SPPL3: variants seen among roughly 807,000 people sequenced by gnomAD.
The protein encoded by SPPL3 is signal peptide peptidase-like 3.
Under a neutral mutation model 42.4 loss-of-function variants are expected in SPPL3, and 5 were observed. The ratio of observed to expected loss-of-function variants is 0.12; its 90% CI spans 0.06 to 0.25. SPPL3 has a LOEUF of 0.25. Among genes scored for constraint, SPPL3 ranks in the 10% least tolerant of loss-of-function variants. The pLI is 1.00. For synonymous variants in SPPL3, 195 were observed against 181.8 expected (o/e 1.07, Z -0.58); for missense variants, 235 against 489.0 (o/e 0.48, Z 4.90).
intron 1 of SPPL3, among the ~76,000 whole-genome samples, chr12:120,813,632 A>G (rs924659813): frequency 2.6e-5 from 4 of 151,836 alleles, no homozygotes; most frequent in African/African-American, 7.3e-5. Flanking sequence ...GTGATCCTTA[A>G]TTATTACAGA....
chr12:120,831,084 T>C (rs189058616), intron 1 of SPPL3, among the ~76,000 whole-genome samples: 4 of 152,184 alleles, frequency 2.6e-5, no homozygotes, highest in Admixed American at 2.0e-4. Flanking sequence ...TCTCTCTCTC[T>C]CTCTCCTTGA....
rs1381427558 is a variant in SPPL3 at position 120,904,064 on chromosome 12, G to A, written c.-197C>T. 3.0e-4 allele frequency: 103 copies of A among 347,202 alleles called. 2 individuals are homozygous for A. The South Asian group carries it at 0.012, about 40-fold the overall frequency. 21.5% of individuals were successfully genotyped at this position (347,202 alleles called of 1,614,324 possible). On this transcript the variant is annotated 5_prime_UTR_variant, in exon 1 of 11. Coordinates refer to ENST00000353487, the MANE Select transcript of SPPL3 (RefSeq NM_139015.5). Reference sequence around the variant, plus strand: ...GCTCCGAAGCGGCCCCGCTCCCTGGGCCCCGGGGCGGGGCGGGCTCCGCTC... The same window carrying A: ...GCTCCGAAGCGGCCCCGCTCCCTGGACCCCGGGGCGGGGCGGGCTCCGCTC...
intron 2 of SPPL3, among the ~76,000 whole-genome samples, chr12:120,797,758 C>A (rs1450812799): frequency 6.6e-6 from 1 of 152,102 alleles, no homozygotes; most frequent in African/African-American, 2.4e-5. Context: ...GGTCATAATC[C>A]TTCCTGGAAG....
chr12:120,816,885 T>C (rs1440441530), intron 1 of SPPL3, among the ~76,000 whole-genome samples: 1 of 152,184 alleles, frequency 6.6e-6, no homozygotes, highest in African/African-American at 2.4e-5. Flanking sequence ...AATTATACAG[T>C]AATTAGCTAT....
chr12:120,874,313 C>T (rs1007235095), intron 1 of SPPL3, among the ~76,000 whole-genome samples: 1 of 151,394 alleles, frequency 6.6e-6, no homozygotes, highest in Non-Finnish European at 1.5e-5. Flanking sequence ...ATTAGCTGGG[C>T]GTGGAGATGG....
intron 2 of SPPL3, among the ~76,000 whole-genome samples, chr12:120,797,500 G>GT (rs577120689): frequency 2.4e-4 from 36 of 151,998 alleles, no homozygotes; most frequent in Admixed American, 7.2e-4. Context: ...GGGTTTACAT[G>GT]TTTTTTTTAT....
At chr12:120,873,707 A>C (rs951868357) in intron 1 of SPPL3, among the ~76,000 whole-genome samples, 1 of 152,028 alleles carries the variant, frequency 6.6e-6, no homozygotes, top group African/African-American at 2.4e-5. Context: ...CCCCGTCTCT[A>C]ATAAAAATAC....
chr12:120,845,480 G>T, intron 1 of SPPL3: 1 of 422,924 alleles, frequency 2.4e-6, no homozygotes. Flanking sequence ...TAATATTCTT[G>T]TACTCCATGG....
At chr12:120,784,711 T>C in intron 3 of SPPL3, 118 bp from the exon 4 acceptor site, 2 of 712,644 alleles carry the variant, frequency 2.8e-6, no homozygotes, top group South Asian at 2.2e-5. Flanking sequence ...ACGTAGGACA[T>C]GGATTATCCA....
chr12:120,849,872 T>C (rs764225292), intron 1 of SPPL3, among the ~76,000 whole-genome samples: 4 of 152,112 alleles, frequency 2.6e-5, no homozygotes, highest in Non-Finnish European at 5.9e-5. Context: ...AAGACATAAT[T>C]CTAGCGTGAA....
At chr12:120,804,850 G>T (rs1430487141) in intron 2 of SPPL3, among the ~76,000 whole-genome samples, 1 of 152,092 alleles carries the variant, frequency 6.6e-6, no homozygotes, top group Admixed American at 6.5e-5. Context: ...CAACCCAAAC[G>T]TCTATCAGCC....
intron 1 of SPPL3, among the ~76,000 whole-genome samples, chr12:120,846,709 A>T (rs368537395): frequency 6.7e-5 from 9 of 135,052 alleles, no homozygotes; most frequent in Admixed American, 2.1e-4. Context: ...TTTTTAAAAT[A>T]AAAAAAAATG....
chr12:120,835,729 C>A (rs1235024434), intron 1 of SPPL3: 1 of 152,164 alleles, frequency 6.6e-6, no homozygotes, highest in Non-Finnish European at 1.5e-5. Context: ...TTACAGAATT[C>A]TGGCACTACA....
At chr12:120,859,968 C>A (rs1163332103) in intron 1 of SPPL3, among the ~76,000 whole-genome samples, 1 of 152,142 alleles carries the variant, frequency 6.6e-6, no homozygotes, top group Non-Finnish European at 1.5e-5. Flanking sequence ...TAGCTGGGTG[C>A]AGTGGCTCAT....
intron 1 of SPPL3, among the ~76,000 whole-genome samples, chr12:120,853,845 GC>G: frequency 6.6e-6 from 1 of 152,070 alleles, no homozygotes; most frequent in Admixed American, 6.6e-5. Flanking sequence ...CATTTTCATA[GC>G]AATTCAGAAA....
chr12:120,811,175 T>C (rs2137001786), intron 1 of SPPL3: 1 of 225,490 alleles, frequency 4.4e-6, no homozygotes, highest in Non-Finnish European at 8.5e-6. Flanking sequence ...CCACCCCCAA[T>C]TTAAAAAGTA....
intron 1 of SPPL3, among the ~76,000 whole-genome samples, chr12:120,865,538 T>C (rs1872732284): frequency 6.6e-6 from 1 of 152,234 alleles, no homozygotes; most frequent in Non-Finnish European, 1.5e-5. Context: ...CATGGGTCCT[T>C]ACACACAGTT....
chr12:120,856,734 A>G (rs1338717406), intron 1 of SPPL3, among the ~76,000 whole-genome samples: 2 of 151,906 alleles, frequency 1.3e-5, no homozygotes, highest in Non-Finnish European at 2.9e-5. Flanking sequence ...AAAACCCAAA[A>G]GACAAGCAGA....
intron 1 of SPPL3, among the ~76,000 whole-genome samples, chr12:120,813,130 C>G (rs1384205207): frequency 6.7e-6 from 1 of 149,472 alleles, no homozygotes; most frequent in African/African-American, 2.5e-5. Flanking sequence ...AAAAGATTAT[C>G]TTTTTTTTTT....
Sources: gnomAD v4.1 joint callset for allele counts (sites outside exome capture counted in the v4.1 genomes callset) on GRCh38, gnomAD v4.1.1 for gene constraint, MANE v1.5 for transcripts, NCBI Gene and HGNC (gene_info 2026-07-23, HGNC 2026-07-21) for gene names.